Variants in MRPL1 observed in about 807,000 individuals in gnomAD.
MRPL1 encodes the protein large ribosomal subunit protein uL1m.
A neutral mutation model predicts 38.0 loss-of-function variants in MRPL1; 28 were observed. That is an observed-to-expected ratio of 0.74 (90% CI 0.55 to 1.01). The LOEUF is 1.01. Ranked by LOEUF, MRPL1 falls within the 50% of genes least tolerant of loss-of-function variation. The pLI is 0.00. For synonymous variants in MRPL1, 123 were observed against 126.7 expected, an observed-to-expected ratio of 0.97 and a Z score of 0.20; for missense variants, 358 against 389.8, an observed-to-expected ratio of 0.92 and a Z score of 0.69.
intron 2 of MRPL1, among the ~76,000 whole-genome samples, chr4:77,877,726 T>G (rs1735432056): frequency 6.6e-6 from 1 of 151,848 alleles, no homozygotes; most frequent in Non-Finnish European, 1.5e-5. Context: ...GCATGTCTTA[T>G]GGGGAAGTTT....
intron 7 of MRPL1, among the ~76,000 whole-genome samples, chr4:77,920,743 T>C (rs1484862780): frequency 8.6e-5 from 13 of 151,854 alleles, no homozygotes; most frequent in African/African-American, 2.2e-4. Flanking sequence ...CCCTCTATAG[T>C]ACCCTTCTCC....
intron 6 of MRPL1, among the ~76,000 whole-genome samples, chr4:77,906,712 T>G (rs1291887007): frequency 2.0e-5 from 3 of 152,164 alleles, no homozygotes; most frequent in Non-Finnish European, 2.9e-5. Flanking sequence ...TACAAGGCAC[T>G]GTTCTTATGA....
chr4:77,896,912 G>A (rs994766121), intron 6 of MRPL1, among the ~76,000 whole-genome samples: 2 of 151,574 alleles, frequency 1.3e-5, no homozygotes, highest in Admixed American at 1.3e-4. Flanking sequence ...AAGAAATTTG[G>A]TTTTATTTTG....
At chr4:77,890,931 T>A (rs1469601482) in intron 5 of MRPL1, among the ~76,000 whole-genome samples, 2 of 152,210 alleles carry the variant, frequency 1.3e-5, no homozygotes, top group Non-Finnish European at 2.9e-5. Context: ...GGGGAACTTT[T>A]AACTGGGCTC....
intron 7 of MRPL1, among the ~76,000 whole-genome samples, chr4:77,918,518 T>A (rs190737856): frequency 6.6e-6 from 1 of 152,296 alleles, no homozygotes; most frequent in African/African-American, 2.4e-5. Flanking sequence ...ATAAGCAATT[T>A]CTTACAAGCA....
At chr4:77,899,780 A>G (rs2110243501) in intron 6 of MRPL1, among the ~76,000 whole-genome samples, 1 of 152,264 alleles carries the variant, frequency 6.6e-6, no homozygotes, top group East Asian at 1.9e-4. Context: ...TGAAAGGAAG[A>G]AAGAAAATGA....
chr4:77,883,735 GC>G (rs1735606049), intron 3 of MRPL1, among the ~76,000 whole-genome samples: 3 of 151,784 alleles, frequency 2.0e-5, no homozygotes, highest in African/African-American at 7.3e-5. Context: ...GTTCTACCAC[GC>G]CCAGCTAATT....
intron 5 of MRPL1, among the ~76,000 whole-genome samples, chr4:77,888,293 C>T (rs1427707998): frequency 6.6e-6 from 1 of 152,028 alleles, no homozygotes; most frequent in Non-Finnish European, 1.5e-5. Flanking sequence ...TCACTTGAGG[C>T]CAGGAGTTTG....
At chr4:77,935,782 A>C (rs921146412) in intron 7 of MRPL1, among the ~76,000 whole-genome samples, 1 of 152,122 alleles carries the variant, frequency 6.6e-6, no homozygotes, top group East Asian at 1.9e-4. Flanking sequence ...AATACAAAAA[A>C]TTAGCCGGAC....
chr4:77,864,737 A>G (rs1424134242), intron 1 of MRPL1: 1 of 152,158 alleles, frequency 6.6e-6, no homozygotes, highest in Admixed American at 6.6e-5. Context: ...CTTCAACAAT[A>G]TGAAATTGCA....
intron 6 of MRPL1, among the ~76,000 whole-genome samples, chr4:77,898,703 AGGCT>A (rs1210474673): frequency 6.6e-6 from 1 of 152,118 alleles, no homozygotes; most frequent in African/African-American, 2.4e-5. Context: ...CATGTTGGCC[AGGCT>A]GGTCTCAAAC....
At chr4:77,874,001 C>CTT (rs1184872676) in intron 2 of MRPL1, among the ~76,000 whole-genome samples, 7 of 139,690 alleles carry the variant, frequency 5.0e-5, no homozygotes, top group Admixed American at 7.2e-5. Flanking sequence ...ATATTGCCTG[C>CTT]TTTTTTTTTT....
chr4:77,905,017 T>G (rs1328945931), intron 6 of MRPL1, among the ~76,000 whole-genome samples: 1 of 152,156 alleles, frequency 6.6e-6, no homozygotes, highest in Non-Finnish European at 1.5e-5. Flanking sequence ...ATTAAACATT[T>G]TTGCTCATGG....
In MRPL1 at chr4:77,887,289, A is replaced by G; in HGVS notation, c.556A>G (p.Lys186Glu). The G allele has an allele frequency of 6.2e-7, 1 of 1,612,396 alleles. No homozygotes were observed. Among genetic ancestry groups the G allele is most frequent in the Non-Finnish European group, 8.5e-7 (1 of 1,178,382 alleles). The change falls in exon 5 of 9, where the codon AAG becomes GAG. Residue 186 changes from lysine (K) to glutamate (E), a missense_variant and splice_region_variant. Lys to Glu is a moderately conservative substitution (Grantham distance 56). Coordinates refer to ENST00000315567, the MANE Select transcript of MRPL1 (RefSeq NM_020236.4). ...AFAGGTSLIQ[K>E]IWDDEIVADF... The stretch of plus-strand genomic sequence containing the variant: ...TGCAGGAGGCACTAGTCTGATACAG[A>G]AGGTACAGTGTTGTTTTCATGTTCA...
intron 7 of MRPL1, among the ~76,000 whole-genome samples, chr4:77,919,165 A>G (rs1436980930): frequency 1.3e-5 from 2 of 152,210 alleles, no homozygotes; most frequent in African/African-American, 4.8e-5. Context: ...TAATTTTCAA[A>G]GGGTGACTGT....
At chr4:77,908,822 G>A (rs920001164) in intron 6 of MRPL1, among the ~76,000 whole-genome samples, 3 of 152,190 alleles carry the variant, frequency 2.0e-5, no homozygotes, top group African/African-American at 4.8e-5. Flanking sequence ...CTCAATGGGC[G>A]ATGGATCTGC....
intron 5 of MRPL1, among the ~76,000 whole-genome samples, chr4:77,887,789 G>T (rs1735717354): frequency 6.6e-6 from 1 of 151,916 alleles, no homozygotes; most frequent in Admixed American, 6.6e-5. Context: ...AAAGTACTGG[G>T]GTTACAGGTG....
intron 7 of MRPL1, among the ~76,000 whole-genome samples, chr4:77,922,205 A>T (rs548805393): frequency 6.6e-6 from 1 of 152,222 alleles, no homozygotes; most frequent in African/African-American, 2.4e-5. Flanking sequence ...GAAATTTTAG[A>T]TAGGATATCT....
chr4:77,927,490 A>ATACTATATCCTGTG (rs1736740492), intron 7 of MRPL1, among the ~76,000 whole-genome samples: 2 of 152,170 alleles, frequency 1.3e-5, no homozygotes, highest in Non-Finnish European at 2.9e-5. Flanking sequence ...GATTCCTGTT[A>ATACTATATCCTGTG]GTATACTATA....
Sources: allele counts gnomAD v4.1 joint callset (sites outside exome capture counted in the v4.1 genomes callset), GRCh38; gene constraint gnomAD v4.1.1; transcripts MANE v1.5; gene names NCBI Gene and HGNC (gene_info 2026-07-23, HGNC 2026-07-21).